Variants in CABIN1 observed in about 807,000 individuals in gnomAD.
The protein encoded by CABIN1 is calcineurin-binding protein cabin-1.
Under a neutral mutation model 227.7 loss-of-function variants are expected in CABIN1, and 133 were observed. The observed-to-expected ratio is 0.58, with a 90% CI of 0.51 to 0.67. The LOEUF is 0.67. Among genes scored for constraint, CABIN1 ranks in the 30% least tolerant of loss-of-function variants. The pLI, the probability that CABIN1 is intolerant of heterozygous loss-of-function variation, is 0.00. For synonymous variants in CABIN1, 1,086 were observed against 1,155.1 expected (o/e 0.94, Z 1.21); for missense variants, 2,408 against 2,852.5 (o/e 0.84, Z 3.55).
intron 28 of CABIN1, among the ~76,000 whole-genome samples, chr22:24,128,138 G>C (rs1038785519): frequency 2.0e-5 from 3 of 152,148 alleles, no homozygotes; most frequent in Non-Finnish European, 2.9e-5. Context: ...TCTCAGGAAT[G>C]TTGGGTGCAT....
chr22:24,048,177 T>A (rs1053559205), intron 6 of CABIN1, among the ~76,000 whole-genome samples: 11 of 152,100 alleles, frequency 7.2e-5, no homozygotes, highest in South Asian at 2.1e-4. Context: ...GGTTTTTTTT[T>A]TAAAAAAAGG....
rs1602156002 is a variant in CABIN1, at chr22:24,113,717, T to G, written c.4269T>G (p.Gly1423=). The G allele has an allele frequency of 6.2e-7, 1 of 1,613,766 alleles. No individual in the cohort carries two copies. The change falls in exon 27 of 37, where the codon GGT becomes GGG. Residue 1423 remains glycine (G), a synonymous_variant. Coordinates refer to ENST00000263119, the MANE Select transcript of CABIN1 (RefSeq NM_012295.4). ...TCAGTTCCCAAGCAGGAGCGACGGG[T>G]AAAGATCTTCAGGGGGCCACAGAAG... ...PILSSQAGAT[G]KDLQGATEER... is the part of the protein sequence containing the mutation.
At chr22:24,013,081 A>T (rs765783017) in intron 1 of CABIN1, among the ~76,000 whole-genome samples, 166 of 148,426 alleles carry the variant, frequency 1.1e-3, no homozygotes, top group African/African-American at 3.3e-3. Context: ...TTTTTTTTTT[A>T]AAAGCTCCTT....
chr22:24,130,946 C>T (rs1447218937), intron 28 of CABIN1, among the ~76,000 whole-genome samples: 3 of 152,244 alleles, frequency 2.0e-5, no homozygotes, highest in South Asian at 4.1e-4. Context: ...ACCTCTCCCA[C>T]TGCCTTCTCC....
At chr22:24,095,252 C>T (rs1310295384) in intron 24 of CABIN1, among the ~76,000 whole-genome samples, 2 of 152,384 alleles carry the variant, frequency 1.3e-5, no homozygotes, top group African/African-American at 4.8e-5. Flanking sequence ...GCCTCACACC[C>T]ACTCCTGCAT....
At chr22:24,069,659 G>C (rs2039946907) in intron 16 of CABIN1, among the ~76,000 whole-genome samples, 2 of 152,184 alleles carry the variant, frequency 1.3e-5, no homozygotes, top group African/African-American at 4.8e-5. Flanking sequence ...TCAGCACCCT[G>C]TAGGCACCCT....
At chr22:24,118,888 T>TA (rs1011517044) in intron 27 of CABIN1, among the ~76,000 whole-genome samples, 64 of 152,312 alleles carry the variant, frequency 4.2e-4, no homozygotes, top group African/African-American at 1.5e-3. Context: ...TTGGCTCACA[T>TA]ATAGCAGCGG....
intron 3 of CABIN1, among the ~76,000 whole-genome samples, chr22:24,037,850 C>T (rs1052388314): frequency 5.9e-5 from 9 of 152,106 alleles, no homozygotes; most frequent in African/African-American, 1.4e-4. Flanking sequence ...TCTGTCCAGC[C>T]GGTCTGTAAA....
rs759489504 is a variant in CABIN1, at chr22:24,049,264, G to A, written c.656+44G>A. On this transcript the variant is annotated intron_variant, in intron 7 of 36. Transcript: ENST00000263119. The stretch of plus-strand genomic sequence containing the variant: ...CATGCCATGTGTGCACGCTTACTGT[G>A]TGGCTGGTGAAGGTCAGGAGCACAC... 2.5e-6 allele frequency: 4 copies of A among 1,606,076 alleles called. No individual in the cohort carries two copies. In the East Asian group the frequency reaches 8.9e-5, roughly 36 times the overall value.
chr22:24,095,879 C>G (rs984871400), intron 24 of CABIN1, 52 bp from the exon 25 acceptor site: 14 of 1,609,554 alleles, frequency 8.7e-6, no homozygotes, highest in Admixed American at 5.0e-5. Flanking sequence ...GCCTGTGGAA[C>G]AAATCTTAGC....
chr22:24,059,024 G>A (rs1037136872), intron 10 of CABIN1, among the ~76,000 whole-genome samples: 2 of 152,246 alleles, frequency 1.3e-5, no homozygotes, highest in African/African-American at 2.4e-5. Flanking sequence ...ATGAATGACC[G>A]AGACAGGATA....
chr22:24,168,534 T>A lies in CABIN1; in HGVS notation c.5757+13T>A. On this transcript the variant is annotated intron_variant, in intron 33 of 36. Transcript: ENST00000263119. ...CGCCCAGAGACAGGTAAGCCCAATT[T>A]AGCCTGTGCCAGCCTCATCTTGCGG... The A allele has an allele frequency of 6.4e-7, 1 of 1,550,484 alleles. No homozygotes were observed. Among genetic ancestry groups the A allele is most frequent in the South Asian group, 1.2e-5 (1 of 84,208 alleles).
At chr22:24,084,893 G>T (rs1246667352) in intron 21 of CABIN1, 108 bp downstream of exon 21, 2 of 1,562,168 alleles carry the variant, frequency 1.3e-6, no homozygotes. Context: ...GTACCAGACT[G>T]AGGGGCAGGA....
chr22:24,099,585 C>G (rs1201512638), intron 26 of CABIN1, among the ~76,000 whole-genome samples: 1 of 152,218 alleles, frequency 6.6e-6, no homozygotes, highest in Non-Finnish European at 1.5e-5. Flanking sequence ...AAGATCCTCT[C>G]TCCCCTTCTT....
At chr22:24,158,322 G>A (rs943880806) in intron 29 of CABIN1, among the ~76,000 whole-genome samples, 2 of 152,192 alleles carry the variant, frequency 1.3e-5, no homozygotes, top group South Asian at 2.1e-4. Flanking sequence ...GCCCACTCTC[G>A]TGGTCCCCTC....
At chr22:24,176,351 C>T (rs760210264) in intron 35 of CABIN1, 76 bp downstream of exon 35, 148 of 1,502,594 alleles carry the variant, frequency 9.8e-5, no homozygotes, top group Non-Finnish European at 1.2e-4. Context: ...GTGGGTTTCC[C>T]GGCCTGGCCT....
intron 21 of CABIN1, 89 bp from the exon 22 acceptor site, chr22:24,084,915 GTC>G: frequency 2.5e-6 from 4 of 1,581,870 alleles, no homozygotes; most frequent in Non-Finnish European, 3.5e-6. Context: ...AGGCTGGAGA[GTC>G]TGTCCTGTGA....
intron 7 of CABIN1, among the ~76,000 whole-genome samples, chr22:24,049,770 C>T (rs2038180489): frequency 6.6e-6 from 1 of 152,130 alleles, no homozygotes; most frequent in South Asian, 2.1e-4. Flanking sequence ...GGCGTGGTAC[C>T]ATTGTGTGGC....
In CABIN1 at chr22:24,013,541, G is replaced by A. The variant is rs959334155; in HGVS notation, c.-75+2174G>A. On this transcript the variant is annotated intron_variant, in intron 1 of 36. Transcript: ENST00000263119. Reference sequence around the variant, plus strand: ...CTAATTTTAGATTTAGAGAAAAATTGCAACAATACAAAACGCTCTGTTATG... The same window carrying A: ...CTAATTTTAGATTTAGAGAAAAATTACAACAATACAAAACGCTCTGTTATG... 2.0e-5 allele frequency among the ~76,000 whole-genome samples: 3 copies of A among 152,100 alleles called. No homozygotes were observed. In the South Asian group the frequency reaches 6.2e-4, roughly 32 times the overall value.
Sources: gnomAD v4.1 joint callset for allele counts (sites outside exome capture counted in the v4.1 genomes callset) on GRCh38, gnomAD v4.1.1 for gene constraint, MANE v1.5 for transcripts, NCBI Gene and HGNC (gene_info 2026-07-23, HGNC 2026-07-21) for gene names.